Variants in MAP2K1 observed in about 807,000 individuals in gnomAD.
MAP2K1 encodes mitogen-activated protein kinase kinase 1.
A neutral mutation model predicts 46.3 loss-of-function variants in MAP2K1; 16 were observed. The ratio of observed to expected loss-of-function variants is 0.35; its 90% CI spans 0.23 to 0.52. MAP2K1 has a LOEUF of 0.52. MAP2K1 is among the 20% of genes least tolerant of loss of function. MAP2K1 has a pLI of 0.94. For missense variants in MAP2K1, 263 were observed against 497.1 expected (o/e 0.53, Z 4.48); for synonymous variants, 183 against 185.6 (o/e 0.99, Z 0.11).
At chr15:66,420,693 T>A (rs2093435815) in intron 1 of MAP2K1, among the ~76,000 whole-genome samples, 1 of 86,118 alleles carries the variant, frequency 1.2e-5, no homozygotes, top group Non-Finnish European at 2.6e-5. Context: ...ATTCCCCTAA[T>A]ACTTACTCTT....
rs555194089 is a variant in MAP2K1 at position 66,486,947 on chromosome 15, A to T, written c.896-281A>T. On this transcript the variant is annotated intron_variant, in intron 7 of 10. Transcript: ENST00000307102. ...TCTCAATAGAAGGAAGGGGGAAAGG[A>T]CAGACATAATTATTATGTCTCTGCT... 5.3e-5 allele frequency among the ~76,000 whole-genome samples: 8 copies of T among 152,320 alleles called. No homozygotes were observed. The South Asian group carries it at 1.7e-3, about 32-fold the overall frequency.
At chr15:66,406,344 G>T (rs538552581) in intron 1 of MAP2K1, among the ~76,000 whole-genome samples, 11 of 152,170 alleles carry the variant, frequency 7.2e-5, no homozygotes, top group Non-Finnish European at 1.5e-4. Context: ...AAAGTGAGGA[G>T]TCATGTGCAA....
chr15:66,489,294 T>C lies in MAP2K1; in HGVS notation c.1022+18T>C. On this transcript the variant is annotated intron_variant, in intron 9 of 10. Coordinates refer to ENST00000307102, the MANE Select transcript of MAP2K1 (RefSeq NM_002755.4). ...AATAAATGGTAAGTTGGCTCCTTGT[T>C]CTCTGGAAGCGTATACTCTGGATTT... is the stretch of plus-strand genomic sequence containing the variant. The C allele has an allele frequency of 6.2e-7, 1 of 1,609,652 alleles. No homozygotes were observed. The highest frequency in any genetic ancestry group is 2.2e-5 in the East Asian group (1 of 44,848).
In MAP2K1 at chr15:66,435,033, C is replaced by T. The variant is rs755038798; in HGVS notation, c.87C>T (p.Asn29=). Residue 29 remains asparagine (N), a synonymous_variant, in exon 2 of 11, where the codon AAC becomes AAT. Transcript: ENST00000307102. ...AVNGTSSAET[N]LEALQKKLEE... is the part of the protein sequence containing the mutation. ...GCTCCCCACTTTGGAACAGGACCAACTTGGAGGCCTTGCAGAAGAAGCTGG... is the reference window on the plus strand; with the variant it reads ...GCTCCCCACTTTGGAACAGGACCAATTTGGAGGCCTTGCAGAAGAAGCTGG... The T allele has an allele frequency of 1.1e-5, 17 of 1,612,892 alleles. No homozygotes were observed. In the South Asian group the frequency reaches 1.9e-4, roughly 18 times the overall value.
At chr15:66,442,802 C>G (rs2093507961) in intron 3 of MAP2K1, among the ~76,000 whole-genome samples, 1 of 152,230 alleles carries the variant, frequency 6.6e-6, no homozygotes, top group South Asian at 2.1e-4. Flanking sequence ...TCCAAAATGT[C>G]TGACTGACTG....
At chr15:66,475,146 A>G (rs1182271763) in intron 5 of MAP2K1, among the ~76,000 whole-genome samples, 2 of 152,144 alleles carry the variant, frequency 1.3e-5, no homozygotes, top group African/African-American at 2.4e-5. Context: ...AATTTTAATT[A>G]TCTCTGCTAC....
intron 6 of MAP2K1, among the ~76,000 whole-genome samples, chr15:66,482,601 C>T (rs536885397): frequency 5.9e-5 from 9 of 152,326 alleles, no homozygotes; most frequent in African/African-American, 1.7e-4. Flanking sequence ...GCAGCACCAG[C>T]GTGTTTTCTT....
intron 1 of MAP2K1, among the ~76,000 whole-genome samples, chr15:66,399,360 A>G (rs2093376050): frequency 1.3e-5 from 2 of 152,170 alleles, no homozygotes; most frequent in African/African-American, 4.8e-5. Context: ...GTCAACTAAT[A>G]TTTGCTCTTT....
intron 5 of MAP2K1, among the ~76,000 whole-genome samples, chr15:66,472,042 A>G (rs1189015694): frequency 1.5e-5 from 2 of 131,324 alleles, no homozygotes; most frequent in Admixed American, 9.3e-5. Flanking sequence ...GCGCCATTGC[A>G]CTCCAGCCTG....
chr15:66,387,430 A>G lies in MAP2K1; in HGVS notation c.80+3A>G. ...GTTAACGGGACCAGCTCTGCGGAGT[A>G]AGTATGGGGCGGGCGGTGAACCTCG... On this transcript the variant is annotated splice_donor_region_variant and intron_variant, in intron 1 of 10. Transcript: ENST00000307102. The G allele has an allele frequency of 6.4e-7, 1 of 1,554,936 alleles. No individual in the cohort carries two copies. The highest frequency in any genetic ancestry group is 1.4e-5 in the African/African-American group (1 of 73,474).
At chr15:66,429,946 T>A (rs1354994572) in intron 1 of MAP2K1, among the ~76,000 whole-genome samples, 1 of 152,046 alleles carries the variant, frequency 6.6e-6, no homozygotes, top group East Asian at 1.9e-4. Context: ...ATTCTGTACC[T>A]CCTCAGATTA....
At chr15:66,482,343 G>A (rs937821493) in intron 6 of MAP2K1, among the ~76,000 whole-genome samples, 5 of 152,132 alleles carry the variant, frequency 3.3e-5, no homozygotes, top group African/African-American at 7.2e-5. Context: ...TCAGCAGCCC[G>A]TCCTTTCAGT....
intron 3 of MAP2K1, among the ~76,000 whole-genome samples, chr15:66,442,257 G>A (rs773724521): frequency 5.9e-5 from 9 of 152,092 alleles, no homozygotes; most frequent in Non-Finnish European, 7.3e-5. Context: ...GTCAAGTCCC[G>A]GTTCCTTGGT....
chr15:66,489,596 G>T, intron 9 of MAP2K1, 122 bp from the exon 10 acceptor site: 1 of 823,898 alleles, frequency 1.2e-6, no homozygotes, highest in South Asian at 1.3e-5. Context: ...AGAACAGGAG[G>T]ATGAATCAAG....
intron 1 of MAP2K1, among the ~76,000 whole-genome samples, chr15:66,411,860 C>T (rs1189557038): frequency 6.6e-6 from 1 of 152,194 alleles, no homozygotes; most frequent in African/African-American, 2.4e-5. Context: ...TCCAGGTGCT[C>T]ATAACAGTCC....
intron 1 of MAP2K1, among the ~76,000 whole-genome samples, chr15:66,417,306 A>G (rs549991787): frequency 6.6e-6 from 1 of 152,138 alleles, no homozygotes; most frequent in Non-Finnish European, 1.5e-5. Flanking sequence ...GCAGTGTCTT[A>G]CGCCTGTAAT....
intron 1 of MAP2K1, among the ~76,000 whole-genome samples, chr15:66,393,981 G>A (rs1474966275): frequency 1.3e-5 from 2 of 152,066 alleles, no homozygotes; most frequent in African/African-American, 2.4e-5. Context: ...ATGTTACATC[G>A]TGTATAAGTA....
chr15:66,408,867 G>A (rs1021796592), intron 1 of MAP2K1, among the ~76,000 whole-genome samples: 4 of 152,108 alleles, frequency 2.6e-5, no homozygotes, highest in African/African-American at 7.2e-5. Flanking sequence ...TCTGGGCAGC[G>A]GTCATCTGCT....
At chr15:66,396,163 A>T (rs943067855) in intron 1 of MAP2K1, among the ~76,000 whole-genome samples, 18 of 151,982 alleles carry the variant, frequency 1.2e-4, no homozygotes, top group African/African-American at 4.1e-4. Context: ...GCGCCACCAC[A>T]TCTGGCTAAT....
Sources: allele counts gnomAD v4.1 joint callset (sites outside exome capture counted in the v4.1 genomes callset), GRCh38; gene constraint gnomAD v4.1.1; transcripts MANE v1.5; gene names NCBI Gene and HGNC (gene_info 2026-07-23, HGNC 2026-07-21).